The following CSMD1 variants were observed in gnomAD, a reference collection of about 807,000 sequenced individuals.
The protein encoded by CSMD1 is CUB and sushi domain-containing protein 1.
Under a neutral mutation model 417.5 loss-of-function variants are expected in CSMD1, and 213 were observed. That is an observed-to-expected ratio of 0.51 (90% CI 0.46 to 0.57). The LOEUF (loss-of-function observed/expected upper bound fraction) is 0.57, where lower values mean the gene tolerates loss of function less well. Ranked by LOEUF, CSMD1 falls within the 20% of genes least tolerant of loss-of-function variation. The pLI is 0.00. For missense variants in CSMD1, 6,923 were observed against 4,529.7 expected (o/e 1.53, Z -15.17); for synonymous variants, 2,862 against 1,736.8 (o/e 1.65, Z -16.11).
chr8:4,963,794 T>G (rs1809674026), intron 1 of CSMD1, among the ~76,000 whole-genome samples: 3 of 152,158 alleles, frequency 2.0e-5, no homozygotes, highest in African/African-American at 7.2e-5. Context: ...GTCAAAATGG[T>G]AAGCAATAGA....
chr8:3,846,952 G>A (rs1287450454), intron 5 of CSMD1, among the ~76,000 whole-genome samples: 1 of 152,208 alleles, frequency 6.6e-6, no homozygotes, highest in Non-Finnish European at 1.5e-5. Flanking sequence ...TGTGATTACA[G>A]CCGTGAGCCA....
At position 3,055,588 on chromosome 8, in the gene CSMD1, TC is replaced by T. The variant is rs560006938; in HGVS notation, c.7475-2942del. ...TTGCTATAGGATAGGCATCCATAGA[TC>T]ACTATTTTTTTAAAAATGCGAATTA... On this transcript the variant is annotated intron_variant, in intron 49 of 69. Transcript: ENST00000635120. 1.8e-4 allele frequency among the ~76,000 whole-genome samples: 28 copies of T among 152,348 alleles called. No individual in the cohort carries two copies. The South Asian group carries it at 5.4e-3, about 29-fold the overall frequency.
At chr8:3,921,904 G>A (rs1029058616) in intron 5 of CSMD1, among the ~76,000 whole-genome samples, 3 of 152,088 alleles carry the variant, frequency 2.0e-5, no homozygotes, top group East Asian at 3.9e-4. Context: ...GGTCCATCTG[G>A]TCCATACTGT....
intron 1 of CSMD1, among the ~76,000 whole-genome samples, chr8:4,658,564 A>G (rs917302184): frequency 6.6e-6 from 1 of 152,194 alleles, no homozygotes; most frequent in East Asian, 1.9e-4. Flanking sequence ...CTAGAAATAA[A>G]TATATTCACA....
At chr8:4,116,138 C>G (rs570230587) in intron 3 of CSMD1, among the ~76,000 whole-genome samples, 6 of 151,812 alleles carry the variant, frequency 4.0e-5, no homozygotes, top group Non-Finnish European at 5.9e-5. Context: ...GATTTACAGG[C>G]GCGTACCACC....
intron 5 of CSMD1, among the ~76,000 whole-genome samples, chr8:3,917,995 C>T (rs764770889): frequency 9.9e-5 from 15 of 151,988 alleles, no homozygotes; most frequent in Non-Finnish European, 1.8e-4. Context: ...GATGTCTTCC[C>T]GATTCACGCA....
rs114999158 is a variant in CSMD1 at position 3,827,010 on chromosome 8, G to C, written c.819-72968C>G. ...TTGCCCAAGCTGGTCTTGAACTCCT[G>C]ATATGAAGTGATCCTCCCATCTTGG... On this transcript the variant is annotated intron_variant, in intron 5 of 69. Coordinates refer to ENST00000635120, the MANE Select transcript of CSMD1 (RefSeq NM_033225.6). 3.0e-3 allele frequency among the ~76,000 whole-genome samples: 456 copies of C among 152,204 alleles called. 1 individual carries two copies. Among genetic ancestry groups the C allele is most frequent in the African/African-American group, 0.01 (435 of 41,530 alleles).
chr8:3,155,845 C>A (rs1007321810), intron 39 of CSMD1, among the ~76,000 whole-genome samples: 2 of 152,162 alleles, frequency 1.3e-5, no homozygotes, highest in African/African-American at 4.8e-5. Flanking sequence ...ACGTTCTCTC[C>A]TGGATGAGCC....
intron 3 of CSMD1, among the ~76,000 whole-genome samples, chr8:4,137,346 G>T (rs1286829407): frequency 6.8e-6 from 1 of 147,754 alleles, no homozygotes; most frequent in Non-Finnish European, 1.5e-5. Flanking sequence ...ACTCAGACAT[G>T]TTGAATAGAG....
chr8:4,315,927 A>G (rs1395136498), intron 3 of CSMD1, among the ~76,000 whole-genome samples: 1 of 152,208 alleles, frequency 6.6e-6, no homozygotes, highest in African/African-American at 2.4e-5. Flanking sequence ...GTACAAAATG[A>G]AATATAACCT....
intron 5 of CSMD1, among the ~76,000 whole-genome samples, chr8:3,894,412 G>C (rs1429149755): frequency 6.6e-6 from 1 of 152,056 alleles, no homozygotes; most frequent in Non-Finnish European, 1.5e-5. Context: ...CATTTCCAAA[G>C]ACCAGCATAA....
chr8:4,858,258 C>T (rs1324113008), intron 1 of CSMD1, among the ~76,000 whole-genome samples: 5 of 150,906 alleles, frequency 3.3e-5, no homozygotes, highest in African/African-American at 7.4e-5. Flanking sequence ...ATTGATGGGA[C>T]GTATTTCAAA....
chr8:3,757,318 T>C (rs1415169168), intron 5 of CSMD1, among the ~76,000 whole-genome samples: 3 of 152,186 alleles, frequency 2.0e-5, no homozygotes, highest in Non-Finnish European at 4.4e-5. Context: ...TGGTCTTTGT[T>C]GGAAATTGTT....
intron 2 of CSMD1, among the ~76,000 whole-genome samples, chr8:4,497,001 A>G (rs1379658852): frequency 6.6e-6 from 1 of 152,180 alleles, no homozygotes; most frequent in Non-Finnish European, 1.5e-5. Flanking sequence ...AGGCTTGAAA[A>G]GAAACACTTA....
At chr8:4,345,304 C>G (rs1004204628) in intron 3 of CSMD1, among the ~76,000 whole-genome samples, 1 of 152,074 alleles carries the variant, frequency 6.6e-6, no homozygotes, top group Non-Finnish European at 1.5e-5. Context: ...TGTTTGAACA[C>G]CCTAGAAGGT....
At chr8:2,986,261 T>C (rs545784117) in intron 54 of CSMD1, among the ~76,000 whole-genome samples, 159 of 152,296 alleles carry the variant, frequency 1.0e-3, no homozygotes, top group African/African-American at 3.5e-3. Context: ...TGGCCAAGCA[T>C]TGGTTTATCT....
At chr8:3,534,836 C>T (rs1283894705) in intron 10 of CSMD1, among the ~76,000 whole-genome samples, 4 of 152,186 alleles carry the variant, frequency 2.6e-5, no homozygotes, top group South Asian at 2.1e-4. Context: ...TTTTGGGAAA[C>T]GTTGCTCTTT....
chr8:3,667,324 G>C (rs1428038092), intron 7 of CSMD1, among the ~76,000 whole-genome samples: 1 of 152,098 alleles, frequency 6.6e-6, no homozygotes, highest in Non-Finnish European at 1.5e-5. Flanking sequence ...AGAGAGTGAA[G>C]GGGTGGCAGG....
rs566581450 is a variant in CSMD1, at chr8:4,205,063, C to A, written c.416-172964G>T. Among the ~76,000 whole-genome samples the A allele has an allele frequency of 5.0e-4, 76 of 152,174 alleles. 1 individual carries two copies. The highest frequency in any genetic ancestry group is 1.7e-3 in the African/African-American group (70 of 41,534). On this transcript the variant is annotated intron_variant, in intron 3 of 69. Coordinates refer to ENST00000635120, the MANE Select transcript of CSMD1 (RefSeq NM_033225.6). ...TACCTCTATTTTTTTCATAACAATG[C>A]CACAGAGTTTACTGTAAACATCAAA...
Sources: allele counts gnomAD v4.1 joint callset (sites outside exome capture counted in the v4.1 genomes callset), GRCh38; gene constraint gnomAD v4.1.1; transcripts MANE v1.5; gene names NCBI Gene and HGNC (gene_info 2026-07-23, HGNC 2026-07-21).